MARCHF1: variants seen among roughly 807,000 people sequenced by gnomAD.
The protein encoded by MARCHF1 is E3 ubiquitin-protein ligase MARCHF1.
MARCHF1 carries 40 observed loss-of-function variants against 54.2 expected under a neutral mutation model. That is an observed-to-expected ratio of 0.74 (90% confidence interval 0.57 to 0.96). The LOEUF is 0.96. Among genes scored for constraint, MARCHF1 ranks in the 40% least tolerant of loss-of-function variants. The pLI, the probability that MARCHF1 is intolerant of heterozygous loss-of-function variation, is 0.00. For missense variants in MARCHF1, 586 were observed against 656.5 expected, an observed-to-expected ratio of 0.89 and a Z score of 1.17; for synonymous variants, 236 against 236.3, an observed-to-expected ratio of 1.00 and a Z score of 0.01.
intron 9 of MARCHF1, among the ~76,000 whole-genome samples, chr4:163,544,763 A>G (rs537520354): frequency 1.3e-5 from 2 of 152,110 alleles, no homozygotes; most frequent in African/African-American, 4.8e-5. Flanking sequence ...AGGGATGTGC[A>G]AACATTTTTC....
At chr4:163,741,666 T>C (rs1746200569) in intron 4 of MARCHF1, among the ~76,000 whole-genome samples, 2 of 152,150 alleles carry the variant, frequency 1.3e-5, no homozygotes, top group African/African-American at 2.4e-5. Flanking sequence ...GCTGGTACTA[T>C]ATATTGTTTT....
chr4:164,176,980 C>CTATATATATATATATA (rs71595261), intron 1 of MARCHF1, among the ~76,000 whole-genome samples: 11 of 58,906 alleles, frequency 1.9e-4, no homozygotes, highest in African/African-American at 5.8e-4. Context: ...CTCTCTCTCT[C>CTATATATATATATATA]TATATATATA....
intron 1 of MARCHF1, among the ~76,000 whole-genome samples, chr4:164,331,554 C>T (rs544305982): frequency 2.7e-4 from 41 of 152,272 alleles, no homozygotes; most frequent in Non-Finnish European, 5.3e-4. Context: ...TATTAAAATG[C>T]TAGCAGAGTT....
intron 3 of MARCHF1, among the ~76,000 whole-genome samples, chr4:163,962,537 A>T (rs1752361970): frequency 6.6e-6 from 1 of 151,922 alleles, no homozygotes; most frequent in South Asian, 2.1e-4. Context: ...TAAATTTGAA[A>T]AGCAGGTCTT....
intron 3 of MARCHF1, among the ~76,000 whole-genome samples, chr4:163,887,409 T>TAAAGA (rs948353456): frequency 3.9e-5 from 6 of 152,080 alleles, no homozygotes; most frequent in African/African-American, 1.4e-4. Flanking sequence ...ATTTTGTTTC[T>TAAAGA]AAAGAAAAGA....
intron 3 of MARCHF1, among the ~76,000 whole-genome samples, chr4:163,938,300 A>G (rs1371040169): frequency 6.6e-6 from 1 of 152,210 alleles, no homozygotes; most frequent in Non-Finnish European, 1.5e-5. Flanking sequence ...TATCCACAAT[A>G]CAATCTCGAT....
intron 1 of MARCHF1, among the ~76,000 whole-genome samples, chr4:164,181,639 T>A (rs1730836716): frequency 6.6e-6 from 1 of 152,156 alleles, no homozygotes; most frequent in Non-Finnish European, 1.5e-5. Flanking sequence ...AGTGCTAAAT[T>A]ATGATGCTTC....
At chr4:163,638,640 C>A (rs2111024881) in intron 5 of MARCHF1, among the ~76,000 whole-genome samples, 1 of 152,146 alleles carries the variant, frequency 6.6e-6, no homozygotes, top group East Asian at 1.9e-4. Context: ...AATAATTCCC[C>A]TTCTGAGTAA....
chr4:163,779,355 T>C (rs1747398203), intron 4 of MARCHF1, among the ~76,000 whole-genome samples: 1 of 152,178 alleles, frequency 6.6e-6, no homozygotes. Context: ...AAAAGCTTCA[T>C]CCCAGCTGGG....
intron 1 of MARCHF1, among the ~76,000 whole-genome samples, chr4:164,277,487 C>A (rs1733917384): frequency 6.6e-6 from 1 of 152,200 alleles, no homozygotes; most frequent in African/African-American, 2.4e-5. Context: ...CCACATTATA[C>A]CTTTCTTCAG....
chr4:164,107,751 G>A (rs1040019705), intron 2 of MARCHF1, among the ~76,000 whole-genome samples: 4 of 151,850 alleles, frequency 2.6e-5, no homozygotes, highest in African/African-American at 9.7e-5. Context: ...TAGAAGTGCA[G>A]TAACAGTATA....
At chr4:164,301,513 T>C (rs1187410346) in intron 1 of MARCHF1, among the ~76,000 whole-genome samples, 1 of 152,144 alleles carries the variant, frequency 6.6e-6, no homozygotes, top group Non-Finnish European at 1.5e-5. Context: ...AAAAGTTCAC[T>C]ATGGTGCTCA....
chr4:163,768,232 T>C (rs1349047669), intron 4 of MARCHF1, among the ~76,000 whole-genome samples: 1 of 152,156 alleles, frequency 6.6e-6, no homozygotes, highest in African/African-American at 2.4e-5. Context: ...CAATTTAACT[T>C]CTCCTTCTCA....
At chr4:163,685,784 CT>C (rs1744250722) in intron 5 of MARCHF1, among the ~76,000 whole-genome samples, 1 of 152,144 alleles carries the variant, frequency 6.6e-6, no homozygotes, top group Non-Finnish European at 1.5e-5. Context: ...AATCACTCCC[CT>C]TTTCTTTGAT....
At chr4:163,838,565 A>C (rs986981230) in intron 4 of MARCHF1, among the ~76,000 whole-genome samples, 5 of 152,124 alleles carry the variant, frequency 3.3e-5, no homozygotes, top group African/African-American at 1.2e-4. Context: ...AGCAAGTTTA[A>C]CCCAAAGCAA....
chr4:164,036,142 A>G (rs987324271), intron 2 of MARCHF1, among the ~76,000 whole-genome samples: 1 of 145,560 alleles, frequency 6.9e-6, no homozygotes, highest in Non-Finnish European at 1.5e-5. Context: ...AAAAAAAAAA[A>G]CAATTTTTAA....
In MARCHF1 at chr4:163,796,221, GTTTTTTTTT is replaced by G. The variant is rs36039503; in HGVS notation, c.111+57791_111+57799del. 2.3e-4 allele frequency among the ~76,000 whole-genome samples: 19 copies of G among 82,238 alleles called. No individual in the cohort carries two copies. In the Admixed American group the frequency reaches 2.7e-3, roughly 12 times the overall value. 54.0% of individuals were successfully genotyped at this position (82,238 alleles called of 152,430 possible). ...TACTTCCAGAAAAGTGAAACTTCTA[GTTTTTTTTT>G]TTTTTTTTTTTTTTGAGACAGAGCC... On this transcript the variant is annotated intron_variant, in intron 4 of 9. Coordinates refer to ENST00000514618, the MANE Select transcript of MARCHF1 (RefSeq NM_001394959.1).
At chr4:164,013,189 C>A (rs1259969184) in intron 2 of MARCHF1, among the ~76,000 whole-genome samples, 1 of 152,034 alleles carries the variant, frequency 6.6e-6, no homozygotes, top group Middle Eastern at 3.2e-3. Flanking sequence ...AAAAATTTAA[C>A]AAAGTGATTG....
At chr4:164,109,523 T>C (rs868054380) in intron 2 of MARCHF1, among the ~76,000 whole-genome samples, 8 of 152,046 alleles carry the variant, frequency 5.3e-5, no homozygotes, top group Middle Eastern at 3.4e-3. Context: ...CAAATGCAAG[T>C]ATTCTATTTC....
Sources: allele counts gnomAD v4.1 joint callset (sites outside exome capture counted in the v4.1 genomes callset), GRCh38; gene constraint gnomAD v4.1.1; transcripts MANE v1.5; gene names NCBI Gene and HGNC (gene_info 2026-07-23, HGNC 2026-07-21).